COL5A1: variants seen among roughly 807,000 people sequenced by gnomAD.
COL5A1 encodes collagen type V alpha 1 chain.
Under a neutral mutation model 263.7 loss-of-function variants are expected in COL5A1, and 16 were observed. That is an observed-to-expected ratio of 0.06 (90% CI 0.04 to 0.09). The LOEUF (loss-of-function observed/expected upper bound fraction) is 0.09. Ranked by LOEUF, COL5A1 falls within the 10% of genes least tolerant of loss-of-function variation. The pLI, the probability that COL5A1 is intolerant of heterozygous loss-of-function variation, is 1.00. For synonymous variants in COL5A1, 1,012 were observed against 1,004.5 expected, an observed-to-expected ratio of 1.01 and a Z score of -0.14; for missense variants, 2,036 against 2,540.5, an observed-to-expected ratio of 0.80 and a Z score of 4.27.
intron 26 of COL5A1, 113 bp downstream of exon 26, chr9:134,772,947 A>G: frequency 8.9e-7 from 1 of 1,128,146 alleles, no homozygotes; most frequent in African/African-American, 1.5e-5. Context: ...GGAGCCGGGG[A>G]CACTCAGCCC....
chr9:134,829,227 G>A (rs1025799204), intron 63 of COL5A1, among the ~76,000 whole-genome samples: 13 of 152,346 alleles, frequency 8.5e-5, no homozygotes, highest in African/African-American at 2.6e-4. Context: ...GAGGCAGAGC[G>A]CACCCTTCCT....
intron 11 of COL5A1, among the ~76,000 whole-genome samples, chr9:134,743,515 G>T (rs1228224272): frequency 6.6e-6 from 1 of 152,224 alleles, no homozygotes; most frequent in Non-Finnish European, 1.5e-5. Flanking sequence ...CCTCTGGGAA[G>T]CCCCAGGGAT....
chr9:134,829,633 C>T (rs1839506820), intron 63 of COL5A1, among the ~76,000 whole-genome samples: 1 of 151,340 alleles, frequency 6.6e-6, no homozygotes, highest in African/African-American at 2.4e-5. Context: ...GGCCTCCAGT[C>T]TCCCCGAGGG....
chr9:134,753,766 G>GGCCC, intron 14 of COL5A1, 84 bp from the exon 15 acceptor site: 1 of 615,310 alleles, frequency 1.6e-6, no homozygotes. Context: ...CCCTCCCCCT[G>GGCCC]CCCCTCCCCT....
At chr9:134,702,107 G>T (rs1833694709) in intron 4 of COL5A1, among the ~76,000 whole-genome samples, 1 of 152,186 alleles carries the variant, frequency 6.6e-6, no homozygotes, top group African/African-American at 2.4e-5. Context: ...GCCTGCACAG[G>T]GTCCTGGACT....
At position 134,741,996 on chromosome 9, in the gene COL5A1, G is replaced by T. The variant is rs1056970885; in HGVS notation, c.1494+3188G>T. Among the ~76,000 whole-genome samples, 1 of 152,128 alleles carries T rather than the reference G, an allele frequency of 6.6e-6. No individual in the cohort carries two copies. Among genetic ancestry groups the T allele is most frequent in the Non-Finnish European group, 1.5e-5 (1 of 68,038 alleles). ...CCCTGCTCCCTGTGGGCAGCCGTGG[G>T]CAGCCGTGGCAATTGGCTGGGAGCC... On this transcript the variant is annotated intron_variant, in intron 11 of 65. Transcript: ENST00000371817. This position sits in a 1 kb window ranked among gnomAD's most constrained non-coding sequence, Gnocchi z 4.5.
rs751422851 is a variant in COL5A1 at position 134,696,469 on chromosome 9, G to A, written c.278-3440G>A. ...TGGGATTACAGGCATGAACCACCTC[G>A]CCCAGCCTGCAATTATTTAACTAAC... On this transcript the variant is annotated intron_variant, in intron 2 of 65. Transcript: ENST00000371817. The surrounding 1 kb of genome is among the most constrained non-coding windows in gnomAD (Gnocchi z 4.3). Among the ~76,000 whole-genome samples the A allele has an allele frequency of 2.0e-5, 3 of 152,130 alleles. No homozygotes were observed. The highest frequency in any genetic ancestry group is 4.2e-4 in the South Asian group (2 of 4,806).
In COL5A1 at chr9:134,681,639, G is replaced by A. The variant is rs1832861413; in HGVS notation, c.110-9273G>A. 6.6e-6 allele frequency among the ~76,000 whole-genome samples: 1 copy of A among 152,178 alleles called. No individual in the cohort carries two copies. The highest frequency in any genetic ancestry group is 6.5e-5 in the Admixed American group (1 of 15,286). ...TGAGGGTGACTCCCTTGCAGCCCCAGCATGGCACCAGCCTGCGAGTGACCA... is the reference window on the plus strand; with the variant it reads ...TGAGGGTGACTCCCTTGCAGCCCCAACATGGCACCAGCCTGCGAGTGACCA... On this transcript the variant is annotated intron_variant, in intron 1 of 65. Transcript: ENST00000371817. This position sits in a 1 kb window ranked among gnomAD's most constrained non-coding sequence, Gnocchi z 4.3.
rs779668484 is a variant in COL5A1 at position 134,798,475 on chromosome 9, G to T, written c.2952+14G>T. On this transcript the variant is annotated intron_variant, in intron 37 of 65. Coordinates refer to ENST00000371817, the MANE Select transcript of COL5A1 (RefSeq NM_000093.5). ...AGAGGCGAGACTGTGAGTATCGAGG[G>T]TGCTGGGGGACGTGGCTGGCTGGCT... 10 of 1,613,698 alleles carry T rather than the reference G, an allele frequency of 6.2e-6. No homozygotes were observed. The African/African-American group carries it at 1.3e-4, about 22-fold the overall frequency.
At chr9:134,791,432 C>T in intron 32 of COL5A1, among the ~76,000 whole-genome samples, 1 of 152,182 alleles carries the variant, frequency 6.6e-6, no homozygotes, top group East Asian at 1.9e-4. Context: ...CCCGCATGAG[C>T]CTTCAGTGGC....
At chr9:134,692,080 T>A (rs1833304924) in intron 2 of COL5A1, among the ~76,000 whole-genome samples, 5 of 152,252 alleles carry the variant, frequency 3.3e-5, no homozygotes, top group Admixed American at 2.0e-4. Context: ...TACATCCATG[T>A]GACCTTGAAG....
At chr9:134,695,266 C>G (rs943460889) in intron 2 of COL5A1, among the ~76,000 whole-genome samples, 6 of 152,204 alleles carry the variant, frequency 3.9e-5, no homozygotes, top group Non-Finnish European at 7.4e-5. Flanking sequence ...TGCCCCTTGG[C>G]CAACACCCTG....
At chr9:134,679,987 TG>T (rs1332660469) in intron 1 of COL5A1, among the ~76,000 whole-genome samples, 1 of 151,870 alleles carries the variant, frequency 6.6e-6, no homozygotes, top group African/African-American at 2.4e-5. Context: ...CCGGGTCAGG[TG>T]GGCCTGTGCC....
At position 134,826,015 on chromosome 9, in the gene COL5A1, A is replaced by G. The variant is rs891835401; in HGVS notation, c.5067+111A>G. The G allele has an allele frequency of 3.9e-5, 26 of 673,032 alleles. 1 individual carries two copies. The Admixed American group carries it at 6.3e-4, about 16-fold the overall frequency. The allele number at this position is 673,032 out of a possible 1,614,324, so 41.7% of individuals were successfully genotyped here. A position where few individuals can be genotyped will look rare whatever the true frequency, so the allele number is the denominator to read the frequency against. On this transcript the variant is annotated intron_variant, in intron 63 of 65. Transcript: ENST00000371817. ...TGCAGCTTTAAGACTGAAAGCCAGA[A>G]ATGAATCCGTTTCATCAGTGAAACT... is the stretch of plus-strand genomic sequence containing the variant.
In COL5A1 at chr9:134,818,040, T is replaced by G. The variant is rs572613597; in HGVS notation, c.4230+209T>G. On this transcript the variant is annotated intron_variant, in intron 54 of 65. Coordinates refer to ENST00000371817, the MANE Select transcript of COL5A1 (RefSeq NM_000093.5). This position sits in a 1 kb window ranked among gnomAD's most constrained non-coding sequence, Gnocchi z 6.0. ...TGGTGGCCACAAGACTGGGGCCGTC[T>G]GCCTTGCCCACCTGAGGGAGGAGGC... Among the ~76,000 whole-genome samples, 1 of 152,326 alleles carries G rather than the reference T, an allele frequency of 6.6e-6. No homozygotes were observed. The highest frequency in any genetic ancestry group is 2.4e-5 in the African/African-American group (1 of 41,584).
At chr9:134,714,877 G>C (rs3124296) in intron 4 of COL5A1, among the ~76,000 whole-genome samples, 73,136 of 144,586 alleles carry the variant, frequency 0.51, 18,504 homozygotes, top group Admixed American at 0.64. Context: ...GATGGTAGTG[G>C]TGGTGATGCT....
At chr9:134,665,575 G>A (rs2132504280) in intron 1 of COL5A1, among the ~76,000 whole-genome samples, 1 of 152,318 alleles carries the variant, frequency 6.6e-6, no homozygotes, top group Admixed American at 6.5e-5. Flanking sequence ...GGACGGCTGG[G>A]TGCACAGGCT....
intron 9 of COL5A1, among the ~76,000 whole-genome samples, chr9:134,736,351 A>G (rs1001545463): frequency 3.2e-4 from 49 of 152,240 alleles, no homozygotes; most frequent in African/African-American, 1.2e-3. Flanking sequence ...GTGTCCTCAC[A>G]TAGCGGAAGG....
chr9:134,785,315 C>G (rs1300879733), intron 30 of COL5A1, among the ~76,000 whole-genome samples: 2 of 152,176 alleles, frequency 1.3e-5, no homozygotes, highest in African/African-American at 2.4e-5. Flanking sequence ...TTTCCCAGCC[C>G]TCCACCATCG....
Sources: gnomAD v4.1 joint callset for allele counts (sites outside exome capture counted in the v4.1 genomes callset) on GRCh38, gnomAD v4.1.1 for gene constraint, Gnocchi (gnomAD v3.1) non-coding constraint, MANE v1.5 for transcripts, NCBI Gene and HGNC (gene_info 2026-07-23, HGNC 2026-07-21) for gene names.